Variants in KIF1B observed in about 807,000 individuals in gnomAD.
The protein encoded by KIF1B is kinesin family member 1B.
In KIF1B, 76 loss-of-function variants were observed where a neutral mutation model predicts 241.9. That is an observed-to-expected ratio of 0.31 (90% CI 0.26 to 0.38). The LOEUF is 0.38. Ranked by LOEUF, KIF1B falls within the 10% of genes least tolerant of loss-of-function variation. The pLI is 1.00. For missense variants in KIF1B, 1,622 were observed against 2,271.4 expected (o/e 0.71, Z 5.81); for synonymous variants, 750 against 796.7 (o/e 0.94, Z 0.99).
intron 1 of KIF1B, chr1:10,230,820 C>CT: frequency 6.6e-6 from 1 of 152,282 alleles, no homozygotes; most frequent in Middle Eastern, 3.4e-3. Context: ...AACTATTCCT[C>CT]TAAAAAATGT....
intron 10 of KIF1B, 22 bp from the exon 11 acceptor site, chr1:10,275,406 A>T (rs1170699972): frequency 7.4e-7 from 1 of 1,342,382 alleles, no homozygotes; most frequent in African/African-American, 1.4e-5. Flanking sequence ...AAATGCTAAG[A>T]CCATTTCTTT....
chr1:10,230,104 G>A (rs1646961462), intron 1 of KIF1B, among the ~76,000 whole-genome samples: 1 of 152,098 alleles, frequency 6.6e-6, no homozygotes, highest in Admixed American at 6.6e-5. Flanking sequence ...GAGCCCAGGA[G>A]TTCAAGGTTA....
chr1:10,304,278 C>T (rs1650705559), intron 22 of KIF1B: 1 of 1,614,184 alleles, frequency 6.2e-7, no homozygotes, highest in South Asian at 1.1e-5. Context: ...AAGATCACAT[C>T]CAAGTTAGCA....
chr1:10,332,448 A>G (rs957260622), intron 27 of KIF1B, among the ~76,000 whole-genome samples: 13 of 148,224 alleles, frequency 8.8e-5, no homozygotes, highest in Admixed American at 7.4e-4. Context: ...TTCTCTGCCC[A>G]TATGTGTCTG....
intron 38 of KIF1B, 126 bp from the exon 39 acceptor site, chr1:10,360,803 G>C (rs1156950129): frequency 2.7e-6 from 2 of 741,606 alleles, no homozygotes; most frequent in African/African-American, 3.4e-5. Context: ...TGTTATTAGA[G>C]TTTGATAAAC....
At chr1:10,302,973 C>T (rs1008430721) in intron 22 of KIF1B, among the ~76,000 whole-genome samples, 1 of 149,704 alleles carries the variant, frequency 6.7e-6, no homozygotes, top group Non-Finnish European at 1.5e-5. Flanking sequence ...TGTACATAGG[C>T]GTATGTCTTA....
chr1:10,375,955 C>T (rs1638875793), intron 48 of KIF1B, among the ~76,000 whole-genome samples: 1 of 151,106 alleles, frequency 6.6e-6, no homozygotes, highest in Non-Finnish European at 1.5e-5. Context: ...CGCCACCACA[C>T]CCAGCTAATT....
rs1650488810 is a variant in KIF1B at position 10,300,490 on chromosome 1, CTT to C, written c.2115+3245_2115+3246del. Among the ~76,000 whole-genome samples the C allele has an allele frequency of 3.3e-5, 5 of 151,748 alleles. No homozygotes were observed. The South Asian group carries it at 1.0e-3, about 31-fold the overall frequency. On this transcript the variant is annotated intron_variant, in intron 22 of 48. Coordinates refer to ENST00000676179, the MANE Select transcript of KIF1B (RefSeq NM_001365951.3). ...TTGAGTTCTTTTGGATTTATATAGACTTATTTATATTTTATTTTAGAGTTTAA... is the reference window on the plus strand; with the variant it reads ...TTGAGTTCTTTTGGATTTATATAGACATTTATATTTTATTTTAGAGTTTAA...
chr1:10,306,688 C>T, intron 22 of KIF1B: 1 of 776,858 alleles, frequency 1.3e-6, no homozygotes, highest in Non-Finnish European at 1.5e-6. Flanking sequence ...CCAGGCTGAT[C>T]AGTAATGGGA....
intron 16 of KIF1B, among the ~76,000 whole-genome samples, chr1:10,291,515 C>A (rs963385237): frequency 1.3e-5 from 2 of 152,054 alleles, no homozygotes; most frequent in Non-Finnish European, 2.9e-5. Flanking sequence ...TCGAGACCAT[C>A]CTGGCTAGCA....
chr1:10,287,945 A>G (rs1456507564), intron 15 of KIF1B, among the ~76,000 whole-genome samples: 3 of 152,204 alleles, frequency 2.0e-5, no homozygotes, highest in Non-Finnish European at 2.9e-5. Flanking sequence ...GTACTAGTCA[A>G]GATGCCTTGT....
chr1:10,248,316 C>G (rs1327391759), intron 2 of KIF1B, among the ~76,000 whole-genome samples: 1 of 151,992 alleles, frequency 6.6e-6, no homozygotes, highest in African/African-American at 2.4e-5. Context: ...CTTTCTGCCT[C>G]AGCTTCCTGA....
In KIF1B at chr1:10,380,131, A is replaced by G. The variant is rs1256668816; in HGVS notation, c.*3544A>G. 1 of 224,874 alleles carries G rather than the reference A, an allele frequency of 4.4e-6. No individual in the cohort carries two copies. The highest frequency in any genetic ancestry group is 8.9e-6 in the Non-Finnish European group (1 of 112,668). 13.9% of individuals were successfully genotyped at this position (224,874 alleles called of 1,614,324 possible). A position where few individuals can be genotyped will look rare whatever the true frequency, so the allele number is the denominator to read the frequency against. Reference sequence around the variant, plus strand: ...TAAAAACAAGATGACTTTTCCTGGCACATATTCCAAAGCAAAGACTTTGTT... The same window carrying G: ...TAAAAACAAGATGACTTTTCCTGGCGCATATTCCAAAGCAAAGACTTTGTT... On this transcript the variant is annotated 3_prime_UTR_variant, in exon 49 of 49. Transcript: ENST00000676179.
intron 2 of KIF1B, among the ~76,000 whole-genome samples, chr1:10,251,902 A>G (rs1047049259): frequency 6.6e-6 from 1 of 152,052 alleles, no homozygotes; most frequent in Non-Finnish European, 1.5e-5. Context: ...CATTGTTCTT[A>G]TTGCTGAGCT....
Position 10,337,638 on chromosome 1 carries a change from A to T in KIF1B, c.3422+105A>T. The T allele has an allele frequency of 8.1e-7, 1 of 1,239,610 alleles. No individual in the cohort carries two copies. Among genetic ancestry groups the T allele is most frequent in the South Asian group, 1.3e-5 (1 of 79,608 alleles). The allele number at this position is 1,239,610 out of a possible 1,614,324, so 76.8% of individuals were successfully genotyped here. A position where few individuals can be genotyped will look rare whatever the true frequency, so the allele number is the denominator to read the frequency against. ...TGTGTGAGGGATTAACACTCTTGAG[A>T]CAAAGACTGATCAGTCTCTGAAGGA... On this transcript the variant is annotated intron_variant, in intron 31 of 48. Transcript: ENST00000676179. This position sits in a 1 kb window ranked among gnomAD's most constrained non-coding sequence, Gnocchi z 4.0.
intron 15 of KIF1B, among the ~76,000 whole-genome samples, chr1:10,290,276 T>C (rs575991027): frequency 1.2e-4 from 19 of 152,290 alleles, no homozygotes; most frequent in Non-Finnish European, 2.1e-4. Context: ...ATCTGGGTTT[T>C]AAACCCTGTA....
chr1:10,357,551 T>C (rs2102340259), intron 38 of KIF1B, among the ~76,000 whole-genome samples: 1 of 152,038 alleles, frequency 6.6e-6, no homozygotes, highest in South Asian at 2.1e-4. Flanking sequence ...CTGGGCAATG[T>C]AGAACTTGTC....
intron 1 of KIF1B, among the ~76,000 whole-genome samples, chr1:10,223,166 C>T (rs1437374099): frequency 2.6e-5 from 4 of 152,058 alleles, no homozygotes; most frequent in Non-Finnish European, 4.4e-5. Context: ...GCAGGAGAAT[C>T]GCTTGAACCT....
rs1308362049 is a variant in KIF1B at position 10,267,499 on chromosome 1, G to C, written c.549G>C (p.Lys183Asn). The C allele has an allele frequency of 6.2e-7, 1 of 1,614,092 alleles. No homozygotes were observed. Among genetic ancestry groups the C allele is most frequent in the Admixed American group, 1.7e-5 (1 of 60,002 alleles). The change falls in exon 6 of 49, where the codon AAG becomes AAC. Residue 183 changes from lysine (K) to asparagine (N), a missense_variant. Transcript: ENST00000676179. The part of the protein sequence containing the change: ...LLGPYVEDLS[K>N]LAVTSYTDIA... ...GACCCTATGTGGAGGATCTGTCCAA[G>C]TTGGCAGTTACTTCCTACACAGACA...
Sources: allele counts gnomAD v4.1 joint callset (sites outside exome capture counted in the v4.1 genomes callset), GRCh38; gene constraint gnomAD v4.1.1; non-coding constraint Gnocchi (gnomAD v3.1); transcripts MANE v1.5; gene names NCBI Gene and HGNC (gene_info 2026-07-23, HGNC 2026-07-21).